The following GFRA1 variants were observed in gnomAD, a reference collection of about 807,000 sequenced individuals.
The protein encoded by GFRA1 is GDNF family receptor alpha-1.
Under a neutral mutation model 51.6 loss-of-function variants are expected in GFRA1, and 16 were observed. That is an observed-to-expected ratio of 0.31 (90% CI 0.21 to 0.47). The LOEUF (loss-of-function observed/expected upper bound fraction) is 0.47. Ranked by LOEUF, GFRA1 falls within the 20% of genes least tolerant of loss-of-function variation. The pLI is 1.00. For missense variants in GFRA1, 530 were observed against 594.3 expected (o/e 0.89, Z 1.13); for synonymous variants, 270 against 241.3 (o/e 1.12, Z -1.10).
At chr10:116,240,058 A>C (rs949110868) in intron 4 of GFRA1, among the ~76,000 whole-genome samples, 36 of 152,132 alleles carry the variant, frequency 2.4e-4, no homozygotes, top group African/African-American at 8.7e-4. Context: ...CGATTTCTCT[A>C]TGATGTATTA....
rs758190015 is a variant in GFRA1 at position 116,271,154 on chromosome 10, G to T, written c.41-39C>A. 5 of 1,559,552 alleles carry T rather than the reference G, an allele frequency of 3.2e-6. No individual in the cohort carries two copies. The African/African-American group carries it at 4.1e-5, about 13-fold the overall frequency. On this transcript the variant is annotated intron_variant, in intron 2 of 10. Coordinates refer to ENST00000355422, the MANE Select transcript of GFRA1 (RefSeq NM_005264.8). ...GGGAGGGAGCCTGAGTGCGGCGGGC[G>T]GGGACCCCGGCCGCCCCTGCTCCGG...
At chr10:116,101,384 T>C (rs138556611) in intron 6 of GFRA1, among the ~76,000 whole-genome samples, 3 of 152,182 alleles carry the variant, frequency 2.0e-5, no homozygotes, top group Admixed American at 2.0e-4. Flanking sequence ...TAGGTACTAA[T>C]GTAGAAATGT....
chr10:116,174,350 G>C (rs1255528406), intron 5 of GFRA1, among the ~76,000 whole-genome samples: 2 of 152,136 alleles, frequency 1.3e-5, no homozygotes, highest in Non-Finnish European at 2.9e-5. Flanking sequence ...CTAATTTTGT[G>C]AATCTTCCAA....
chr10:116,255,846 G>T, intron 4 of GFRA1: 1 of 854,692 alleles, frequency 1.2e-6, no homozygotes, highest in Non-Finnish European at 1.6e-6. Context: ...CTGCTTAAGT[G>T]TAGAGTAGAA....
rs367729568 is a variant in GFRA1, at chr10:116,204,854, G to A, written c.433+6777C>T. Among the ~76,000 whole-genome samples, 22 of 152,270 alleles carry A rather than the reference G, an allele frequency of 1.4e-4. No homozygotes were observed. The East Asian group carries it at 3.5e-3, about 24-fold the overall frequency. Reference sequence around the variant, plus strand: ...TAGATAGGCAACCCTCAATGAGGTGGAGCATAACTCCCCACTCCTTAAAGG... The same window carrying A: ...TAGATAGGCAACCCTCAATGAGGTGAAGCATAACTCCCCACTCCTTAAAGG... On this transcript the variant is annotated intron_variant, in intron 5 of 10. Coordinates refer to ENST00000355422, the MANE Select transcript of GFRA1 (RefSeq NM_005264.8).
chr10:116,152,613 A>C (rs1198515441), intron 5 of GFRA1, among the ~76,000 whole-genome samples: 7 of 152,206 alleles, frequency 4.6e-5, no homozygotes, highest in Non-Finnish European at 2.9e-5. Flanking sequence ...ATCACCTCCC[A>C]CCAGGCCCCA....
At chr10:116,241,423 C>T (rs765996762) in intron 4 of GFRA1, among the ~76,000 whole-genome samples, 4 of 152,314 alleles carry the variant, frequency 2.6e-5, no homozygotes, top group Non-Finnish European at 5.9e-5. Context: ...TTCATCCTGA[C>T]ATAAAAATGC....
intron 5 of GFRA1, among the ~76,000 whole-genome samples, chr10:116,189,267 C>T (rs902408298): frequency 1.3e-5 from 2 of 152,244 alleles, no homozygotes; most frequent in South Asian, 4.1e-4. Context: ...TCAGGTGGCA[C>T]CTAATGCCAC....
At chr10:116,213,201 A>C (rs887907540) in intron 4 of GFRA1, among the ~76,000 whole-genome samples, 1 of 152,248 alleles carries the variant, frequency 6.6e-6, no homozygotes, top group Non-Finnish European at 1.5e-5. Context: ...TATAAAAGAA[A>C]TCTACACGAA....
intron 10 of GFRA1, among the ~76,000 whole-genome samples, chr10:116,065,093 A>G (rs1427414693): frequency 6.6e-6 from 1 of 152,114 alleles, no homozygotes; most frequent in Non-Finnish European, 1.5e-5. Context: ...CACCTGCTTA[A>G]TCCCATAATG....
chr10:116,227,187 T>C (rs1325877596), intron 4 of GFRA1, among the ~76,000 whole-genome samples: 2 of 152,210 alleles, frequency 1.3e-5, no homozygotes, highest in Admixed American at 6.5e-5. Flanking sequence ...CAGGTATGTC[T>C]GTACCCAAAG....
At position 116,263,740 on chromosome 10, in the gene GFRA1, G is replaced by C. The variant is rs117224018; in HGVS notation, c.418+5763C>G. 9.4e-4 allele frequency among the ~76,000 whole-genome samples: 143 copies of C among 152,304 alleles called. 1 individual carries two copies. Among genetic ancestry groups the C allele is most frequent in the Middle Eastern group, 3.4e-3 (1 of 292 alleles). On this transcript the variant is annotated intron_variant, in intron 4 of 10. Coordinates refer to ENST00000355422, the MANE Select transcript of GFRA1 (RefSeq NM_005264.8). ...GAATGAGGAGGTCAGGTTGGACTGG[G>C]AGAAGCTAGGGAAGTCAGCTGGAAA...
chr10:116,098,288 G>A (rs3824837), intron 6 of GFRA1, among the ~76,000 whole-genome samples: 12,820 of 152,256 alleles, frequency 0.084, 1,437 homozygotes, highest in African/African-American at 0.25. Context: ...GGGTGTGCGC[G>A]TGTGTACGCA....
chr10:116,204,888 G>A (rs1271122639), intron 5 of GFRA1, among the ~76,000 whole-genome samples: 1 of 152,176 alleles, frequency 6.6e-6, no homozygotes, highest in Non-Finnish European at 1.5e-5. Flanking sequence ...GGCAGGCTAT[G>A]CATAGATTTC....
intron 5 of GFRA1, among the ~76,000 whole-genome samples, chr10:116,180,112 C>A (rs559804219): frequency 6.6e-6 from 1 of 152,086 alleles, no homozygotes; most frequent in Non-Finnish European, 1.5e-5. Flanking sequence ...TCTTTCTGAA[C>A]AAATATATAA....
chr10:116,272,961 G>C lies in GFRA1; in HGVS notation c.-247+202C>G, dbSNP rs938636526. ...CGGGCGCTTCCGCACCCCAGCCCAG[G>C]GCGAGCGCGCCGGCCCGCAGTCCCG... On this transcript the variant is annotated intron_variant, in intron 1 of 10. Transcript: ENST00000355422. The surrounding 1 kb of genome is among the most constrained non-coding windows in gnomAD (Gnocchi z 4.4). 20 of 152,216 alleles carry C rather than the reference G, an allele frequency of 1.3e-4. No homozygotes were observed. Among genetic ancestry groups the C allele is most frequent in the African/African-American group, 4.6e-4 (19 of 41,536 alleles). The allele number at this position is 152,216 out of a possible 1,614,324, so 9.4% of individuals were successfully genotyped here.
intron 5 of GFRA1, among the ~76,000 whole-genome samples, chr10:116,188,675 G>A (rs1480005578): frequency 1.3e-5 from 2 of 151,758 alleles, no homozygotes; most frequent in Non-Finnish European, 2.9e-5. Context: ...AGGCCGAGGC[G>A]GGCAGATCAT....
At position 116,122,788 on chromosome 10, in the gene GFRA1, G is replaced by A. The variant is rs112313941; in HGVS notation, c.770+2433C>T. ...CCACCTCTCCCACCTCCCAGCCATCGTTCAATAGATGGAAGACTCATCCAC... is the reference window on the plus strand; with the variant it reads ...CCACCTCTCCCACCTCCCAGCCATCATTCAATAGATGGAAGACTCATCCAC... On this transcript the variant is annotated intron_variant, in intron 6 of 10. Transcript: ENST00000355422. Among the ~76,000 whole-genome samples the A allele has an allele frequency of 7.9e-5, 12 of 152,278 alleles. 1 individual carries two copies. The highest frequency in any genetic ancestry group is 2.9e-4 in the African/African-American group (12 of 41,556).
intron 5 of GFRA1, among the ~76,000 whole-genome samples, chr10:116,176,051 A>C (rs1272482519): frequency 3.3e-5 from 5 of 152,240 alleles, no homozygotes; most frequent in Non-Finnish European, 7.3e-5. Flanking sequence ...ATTATTTGGA[A>C]AAGATGACAA....
Sources: allele counts gnomAD v4.1 joint callset (sites outside exome capture counted in the v4.1 genomes callset), GRCh38; gene constraint gnomAD v4.1.1; non-coding constraint Gnocchi (gnomAD v3.1); transcripts MANE v1.5; gene names NCBI Gene and HGNC (gene_info 2026-07-23, HGNC 2026-07-21).